The following DAB1 variants were observed in gnomAD, a reference collection of about 807,000 sequenced individuals.
DAB1 encodes DAB adaptor protein 1.
Under a neutral mutation model 64.6 loss-of-function variants are expected in DAB1, and 15 were observed. The observed-to-expected ratio is 0.23, with a 90% CI of 0.16 to 0.36. The LOEUF (loss-of-function observed/expected upper bound fraction) is 0.36. Among genes scored for constraint, DAB1 ranks in the 10% least tolerant of loss-of-function variants. The probability of loss-of-function intolerance (pLI) is 1.00; values close to 1 mark genes in which losing one functional copy is unlikely to be tolerated. For synonymous variants in DAB1, 235 were observed against 251.9 expected (o/e 0.93, Z 0.64); for missense variants, 596 against 706.7 (o/e 0.84, Z 1.78).
At position 58,527,241 on chromosome 1, in the gene DAB1, T is replaced by C. The variant is rs763760555; in HGVS notation, n.107+20A>G. On this transcript the variant is annotated intron_variant and non_coding_transcript_variant, in intron 2 of 20. Transcript: ENST00000485760. ...AGCCTGGGAAGGGCATTATGTATTC[T>C]CAACTACTAAACACTTTACCTTTGC... 6 of 871,408 alleles carry C rather than the reference T, an allele frequency of 6.9e-6. No individual in the cohort carries two copies. The African/African-American group carries it at 8.2e-5, about 12-fold the overall frequency. The allele number at this position is 871,408 out of a possible 1,614,324, so 54.0% of individuals were successfully genotyped here. A position where few individuals can be genotyped will look rare whatever the true frequency, so the allele number is the denominator to read the frequency against.
chr1:57,508,609 T>A (rs1166965110), intron 7 of DAB1, among the ~76,000 whole-genome samples: 1 of 152,120 alleles, frequency 6.6e-6, no homozygotes, highest in Admixed American at 6.5e-5. Flanking sequence ...AGTGGAAAAG[T>A]AGCCACAGAC....
chr1:57,685,109 T>A (rs1646680172), intron 6 of DAB1, among the ~76,000 whole-genome samples: 1 of 151,830 alleles, frequency 6.6e-6, no homozygotes, highest in Non-Finnish European at 1.5e-5. Context: ...CATGCCATCA[T>A]GCCTGGCTAC....
At chr1:57,999,199 A>G (rs1176238442) in intron 5 of DAB1, among the ~76,000 whole-genome samples, 2 of 152,188 alleles carry the variant, frequency 1.3e-5, no homozygotes, top group Non-Finnish European at 2.9e-5. Flanking sequence ...TCTTAAATAC[A>G]TCGTTTCTCA....
intron 7 of DAB1, among the ~76,000 whole-genome samples, chr1:57,585,796 A>C (rs1463541724): frequency 6.6e-6 from 1 of 152,240 alleles, no homozygotes; most frequent in Non-Finnish European, 1.5e-5. Flanking sequence ...TGATTACTAC[A>C]TGAACATATA....
intron 1 of DAB1, among the ~76,000 whole-genome samples, chr1:57,307,633 C>G (rs1317920570): frequency 2.6e-5 from 4 of 152,028 alleles, no homozygotes; most frequent in Admixed American, 1.3e-4. Flanking sequence ...CGTTTCCTGT[C>G]TGCTGAACCT....
intron 2 of DAB1, among the ~76,000 whole-genome samples, chr1:58,511,320 C>T (rs1337088618): frequency 1.3e-5 from 2 of 152,092 alleles, no homozygotes; most frequent in Non-Finnish European, 2.9e-5. Flanking sequence ...ATTAAGCCCA[C>T]ACAAATACAG....
intron 9 of DAB1, chr1:57,033,512 G>T: frequency 6.2e-7 from 1 of 1,612,876 alleles, no homozygotes; most frequent in Non-Finnish European, 8.5e-7. Context: ...AGAGAGGGCT[G>T]TAATTCTTAC....
chr1:58,004,598 C>G (rs1394871222), intron 5 of DAB1, among the ~76,000 whole-genome samples: 7 of 152,194 alleles, frequency 4.6e-5, no homozygotes, highest in Non-Finnish European at 8.8e-5. Context: ...GTTGCTTAAC[C>G]TCTGAGCCTC....
At chr1:58,367,330 T>C (rs1237121151) in intron 3 of DAB1, among the ~76,000 whole-genome samples, 1 of 152,176 alleles carries the variant, frequency 6.6e-6, no homozygotes, top group African/African-American at 2.4e-5. Context: ...ATATCCACCA[T>C]AGAAAATGCC....
At chr1:57,706,239 C>T (rs1278205513) in intron 6 of DAB1, among the ~76,000 whole-genome samples, 5 of 151,550 alleles carry the variant, frequency 3.3e-5, no homozygotes, top group Non-Finnish European at 5.9e-5. Flanking sequence ...CTTCCTTCTT[C>T]CCTCCTTCTC....
intron 2 of DAB1, among the ~76,000 whole-genome samples, chr1:57,180,303 T>A (rs1263352967): frequency 1.3e-5 from 2 of 152,238 alleles, no homozygotes; most frequent in Non-Finnish European, 1.5e-5. Flanking sequence ...CAGACTGTTT[T>A]GGCTAGTAAC....
Position 58,335,621 on chromosome 1 carries a change from A to AAGCTAGCACACTAGGC in DAB1, n.309+7730_309+7731insGCCTAGTGTGCTAGCT, listed in dbSNP as rs1553176000. ...AGGGTGGAAACGGGGGATAACCAGG[A>AAGCTAGCACACTAGGC]AGCTAGCCATGCAAGGGATTGGTGT... On this transcript the variant is annotated intron_variant and non_coding_transcript_variant, in intron 4 of 20. Transcript: ENST00000485760. 3.6e-3 allele frequency among the ~76,000 whole-genome samples: 541 copies of AAGCTAGCACACTAGGC among 152,150 alleles called. 2 individuals carry two copies. The highest frequency in any genetic ancestry group is 0.012 in the African/African-American group (513 of 41,518).
In DAB1 at chr1:58,300,610, AAG is replaced by A. The variant is rs770388855; in HGVS notation, n.309+42740_309+42741del. On this transcript the variant is annotated intron_variant and non_coding_transcript_variant, in intron 4 of 20. Transcript: ENST00000485760. ...AAAGAAAGAAAGAAAGAAAGAAAGA[AAG>A]AGAGAGAGAGAGAGAGAGAGAGAGA... is the stretch of plus-strand genomic sequence containing the variant. Among the ~76,000 whole-genome samples, 96 of 47,026 alleles carry A rather than the reference AAG, an allele frequency of 2.0e-3. 1 individual carries two copies. The highest frequency in any genetic ancestry group is 4.1e-3 in the African/African-American group (60 of 14,728). 30.9% of individuals were successfully genotyped at this position (47,026 alleles called of 152,430 possible).
intron 2 of DAB1, among the ~76,000 whole-genome samples, chr1:57,262,377 C>T (rs1670245918): frequency 6.6e-6 from 1 of 152,190 alleles, no homozygotes; most frequent in Non-Finnish European, 1.5e-5. Flanking sequence ...GAGCTCTTAG[C>T]CACATTGGGT....
chr1:57,583,108 G>C (rs1645333278), intron 7 of DAB1, among the ~76,000 whole-genome samples: 1 of 152,062 alleles, frequency 6.6e-6, no homozygotes, highest in Non-Finnish European at 1.5e-5. Flanking sequence ...GCAGAAGCTG[G>C]AACTGCCTAC....
intron 4 of DAB1, among the ~76,000 whole-genome samples, chr1:58,160,683 A>G (rs985392174): frequency 1.3e-5 from 2 of 152,192 alleles, no homozygotes; most frequent in Non-Finnish European, 2.9e-5. Context: ...GGCTACAAAA[A>G]AAAGTTGTAT....
intron 1 of DAB1, among the ~76,000 whole-genome samples, chr1:57,422,179 G>T (rs936341716): frequency 6.6e-6 from 1 of 152,158 alleles, no homozygotes; most frequent in African/African-American, 2.4e-5. Flanking sequence ...ACTTGAAAAC[G>T]TTAAGTGTTG....
At chr1:58,541,643 CAAAAACA>C (rs1422571270) in intron 1 of DAB1, 2 of 104,212 alleles carry the variant, frequency 1.9e-5, no homozygotes, top group Admixed American at 9.5e-5. Context: ...AAAAAAAAAC[CAAAAACA>C]AAAAACAAAA....
At chr1:58,514,560 A>T (rs12131820) in intron 2 of DAB1, among the ~76,000 whole-genome samples, 23,015 of 152,108 alleles carry the variant, frequency 0.15, 1,971 homozygotes, top group Admixed American at 0.26. Context: ...ATCTTTTTTT[A>T]GGAAACCATT....
Sources: allele counts gnomAD v4.1 joint callset (sites outside exome capture counted in the v4.1 genomes callset), GRCh38; gene constraint gnomAD v4.1.1; transcripts MANE v1.5; gene names NCBI Gene and HGNC (gene_info 2026-07-23, HGNC 2026-07-21).